Variants in ZFPM1 observed in about 807,000 individuals in gnomAD.
ZFPM1 encodes the protein zinc finger protein, FOG family member 1, also known as zinc finger protein ZFPM1.
ZFPM1 carries 28 observed loss-of-function variants against 46.3 expected under a neutral mutation model. The observed-to-expected ratio is 0.60, with a 90% CI of 0.45 to 0.83. The LOEUF is 0.83. Ranked by LOEUF, ZFPM1 falls within the 40% of genes least tolerant of loss-of-function variation. The probability of loss-of-function intolerance (pLI) is 0.00; values close to 1 mark genes in which losing one functional copy is unlikely to be tolerated. For synonymous variants in ZFPM1, 957 were observed against 675.9 expected (o/e 1.42, Z -6.45); for missense variants, 1,878 against 1,432.4 (o/e 1.31, Z -5.02).
rs1324539699 is a variant in ZFPM1, at chr16:88,536,510, C to T, written c.*1531C>T. On this transcript the variant is annotated 3_prime_UTR_variant, in exon 10 of 10. Transcript: ENST00000319555. ...CTACTTGAACTAGCTGCATTTTTTTCAGCTTTGCCCAGCAGCCCTGGTGAG... is the reference window on the plus strand; with the variant it reads ...CTACTTGAACTAGCTGCATTTTTTTTAGCTTTGCCCAGCAGCCCTGGTGAG... The T allele has an allele frequency of 6.6e-6, 1 of 152,232 alleles. No individual in the cohort carries two copies. Among genetic ancestry groups the T allele is most frequent in the Non-Finnish European group, 1.5e-5 (1 of 68,032 alleles). The allele number at this position is 152,232 out of a possible 1,614,324, so 9.4% of individuals were successfully genotyped here. A position where few individuals can be genotyped will look rare whatever the true frequency, so the allele number is the denominator to read the frequency against.
intron 1 of ZFPM1, among the ~76,000 whole-genome samples, chr16:88,470,851 A>T (rs577740665): frequency 6.7e-6 from 1 of 150,266 alleles, no homozygotes; most frequent in African/African-American, 2.5e-5. Flanking sequence ...CCGGGTGGTG[A>T]CGCTGAGTGA....
intron 3 of ZFPM1, among the ~76,000 whole-genome samples, chr16:88,492,428 G>A (rs774421135): frequency 3.3e-5 from 5 of 152,210 alleles, no homozygotes; most frequent in African/African-American, 4.8e-5. Context: ...TATCTGGGGT[G>A]GAGGGAGCAC....
chr16:88,474,327 G>A lies in ZFPM1; in HGVS notation c.41-11612G>A, dbSNP rs372271639. On this transcript the variant is annotated intron_variant, in intron 1 of 9. Transcript: ENST00000319555. ...GCAGGGGGAGGATCCAAGGGAGCCC[G>A]AAGAGGTGGCCAGAGCTGGGGGGCT... is the stretch of plus-strand genomic sequence containing the variant. 1.4e-3 allele frequency among the ~76,000 whole-genome samples: 214 copies of A among 152,298 alleles called. 1 individual carries two copies. Among genetic ancestry groups the A allele is most frequent in the African/African-American group, 4.9e-3 (204 of 41,578 alleles).
chr16:88,522,160 A>C (rs1911949728), intron 4 of ZFPM1: 1 of 152,520 alleles, frequency 6.6e-6, no homozygotes, highest in African/African-American at 2.4e-5. Flanking sequence ...GACCCAGTGG[A>C]TGAAGTGGCA....
At chr16:88,501,073 T>C (rs1243508837) in intron 3 of ZFPM1, among the ~76,000 whole-genome samples, 2 of 146,926 alleles carry the variant, frequency 1.4e-5, no homozygotes, top group Non-Finnish European at 3.0e-5. Flanking sequence ...GTAGCGGTCA[T>C]GGATGCGGGG....
rs1366015070 is a variant in ZFPM1, at chr16:88,517,510, G to GGATGGATA, written c.402+2997_402+2998insAGATGGAT. The stretch of plus-strand genomic sequence containing the variant: ...TGGATGGATGGATGGATGGATGGAT[G>GGATGGATA]GATGGATGGTTGGATAGGTGGGTGG... On this transcript the variant is annotated intron_variant, in intron 4 of 9. Coordinates refer to ENST00000319555, the MANE Select transcript of ZFPM1 (RefSeq NM_153813.3). Among the ~76,000 whole-genome samples the GGATGGATA allele has an allele frequency of 2.0e-5, 3 of 150,946 alleles. No homozygotes were observed. In the East Asian group the frequency reaches 5.8e-4, roughly 29 times the overall value.
chr16:88,534,187 C>A lies in ZFPM1; in HGVS notation c.2229C>A (p.Arg743=). 5.1e-6 allele frequency: 5 copies of A among 989,508 alleles called. No individual in the cohort carries two copies. Among genetic ancestry groups the A allele is most frequent in the Non-Finnish European group, 6.0e-6 (5 of 834,856 alleles). The allele number at this position is 989,508 out of a possible 1,614,324, so 61.3% of individuals were successfully genotyped here. A position where few individuals can be genotyped will look rare whatever the true frequency, so the allele number is the denominator to read the frequency against. The part of the protein sequence containing the change: ...SPAAPVRTRR[R]RKLYELHAAG... Reference sequence around the variant, plus strand: ...CCGCGCCTGTGCGCACGCGCAGACGCCGCAAGCTCTACGAGCTGCACGCGG... The same window carrying A: ...CCGCGCCTGTGCGCACGCGCAGACGACGCAAGCTCTACGAGCTGCACGCGG... Residue 743 remains arginine, a synonymous_variant, in exon 10 of 10, where the codon CGC becomes CGA. Coordinates refer to ENST00000319555, the MANE Select transcript of ZFPM1 (RefSeq NM_153813.3).
chr16:88,476,604 C>A (rs909638564), intron 1 of ZFPM1, among the ~76,000 whole-genome samples: 1 of 151,908 alleles, frequency 6.6e-6, no homozygotes, highest in African/African-American at 2.4e-5. Context: ...CCGAGATCCC[C>A]GGGGGCCCAT....
chr16:88,533,355 C>T lies in ZFPM1; in HGVS notation c.1397C>T (p.Ala466Val). 4 of 1,531,814 alleles carry T rather than the reference C, an allele frequency of 2.6e-6. No individual in the cohort carries two copies. The highest frequency in any genetic ancestry group is 2.5e-5 in the East Asian group (1 of 39,990). The allele number at this position is 1,531,814 out of a possible 1,614,324, so 94.9% of individuals were successfully genotyped here. A position where few individuals can be genotyped will look rare whatever the true frequency, so the allele number is the denominator to read the frequency against. Residue 466 changes from alanine (A) to valine (V), a missense_variant, in exon 10 of 10, where the codon GCG (alanine) becomes GTG (valine). Coordinates refer to ENST00000319555, the MANE Select transcript of ZFPM1 (RefSeq NM_153813.3). ...GCCCCCAGGAGCATCAAGGTGGAGG[C>T]GGTGGAGGAGCCGGAGGCGGCCCCC... ...PAAPRSIKVE[A>V]VEEPEAAPIL...
intron 1 of ZFPM1, among the ~76,000 whole-genome samples, chr16:88,470,366 T>A (rs870021): frequency 0.4 from 61,421 of 152,062 alleles, 13,301 homozygotes; most frequent in East Asian, 0.57. Context: ...CTGGGCATGG[T>A]CCAGGGACCC....
rs554045887 is a variant in ZFPM1 at position 88,504,739 on chromosome 16, G to A, written c.269-9648G>A. The stretch of plus-strand genomic sequence containing the variant: ...GTGGTGTCTGAGACCACAGTCCCCA[G>A]AGAGCACCATGGAAGGGGTTCAGAC... On this transcript the variant is annotated intron_variant, in intron 3 of 9. Transcript: ENST00000319555. Among the ~76,000 whole-genome samples the A allele has an allele frequency of 2.0e-5, 3 of 152,312 alleles. No homozygotes were observed. In the South Asian group the frequency reaches 6.2e-4, roughly 32 times the overall value.
rs185041179 is a variant in ZFPM1, at chr16:88,505,172, G to A, written c.269-9215G>A. Among the ~76,000 whole-genome samples, 506 of 152,300 alleles carry A rather than the reference G, an allele frequency of 3.3e-3. 3 individuals carry two copies. Among genetic ancestry groups the A allele is most frequent in the African/African-American group, 0.011 (452 of 41,560 alleles). On this transcript the variant is annotated intron_variant, in intron 3 of 9. Coordinates refer to ENST00000319555, the MANE Select transcript of ZFPM1 (RefSeq NM_153813.3). ...GGCCGGCCCTTCCTGCCTCTCCCTCGCCCGGTGGCTGACGCAGCTGCTCTA... is the reference window on the plus strand; with the variant it reads ...GGCCGGCCCTTCCTGCCTCTCCCTCACCCGGTGGCTGACGCAGCTGCTCTA...
intron 6 of ZFPM1, among the ~76,000 whole-genome samples, chr16:88,528,587 G>A (rs939709355): frequency 3.3e-5 from 5 of 152,166 alleles, no homozygotes; most frequent in Admixed American, 1.3e-4. Context: ...CCCTCACCTC[G>A]GCCCTCCTGG....
At position 88,536,256 on chromosome 16, in the gene ZFPM1, C is replaced by CA. The variant is rs561331884; in HGVS notation, c.*1280dup. 1.3e-5 allele frequency: 2 copies of CA among 152,208 alleles called. No homozygotes were observed. Among genetic ancestry groups the CA allele is most frequent in the Admixed American group, 1.3e-4 (2 of 15,270 alleles). The allele number at this position is 152,208 out of a possible 1,614,324, so 9.4% of individuals were successfully genotyped here. A position where few individuals can be genotyped will look rare whatever the true frequency, so the allele number is the denominator to read the frequency against. ...GCACGATCATAAGTCACTGCAGCCT[C>CA]AAACTCCTGAGCTGAAACCATCTTC... On this transcript the variant is annotated 3_prime_UTR_variant, in exon 10 of 10. Transcript: ENST00000319555.
At chr16:88,500,904 T>C (rs1469417755) in intron 3 of ZFPM1, among the ~76,000 whole-genome samples, 1 of 152,258 alleles carries the variant, frequency 6.6e-6, no homozygotes, top group Admixed American at 6.5e-5. Flanking sequence ...CTCGGTGTCC[T>C]CACCTGACCG....
rs142475772 is a variant in ZFPM1 at position 88,517,476 on chromosome 16, GTGGATGGATGGATGGA to G, written c.402+2984_402+2999del. 6.5e-3 allele frequency among the ~76,000 whole-genome samples: 849 copies of G among 130,840 alleles called. 8 individuals carry two copies. The highest frequency in any genetic ancestry group is 0.023 in the African/African-American group (792 of 33,758). The allele number at this position is 130,840 out of a possible 152,430, so 85.8% of individuals were successfully genotyped here. On this transcript the variant is annotated intron_variant, in intron 4 of 9. Transcript: ENST00000319555. ...TGTAGGTAAATGGATGGATGGCTGG[GTGGATGGATGGATGGA>G]TGGATGGATGGATGGATGGATGGAT...
chr16:88,529,306 G>A (rs1912598425), intron 6 of ZFPM1, among the ~76,000 whole-genome samples: 1 of 152,216 alleles, frequency 6.6e-6, no homozygotes, highest in Non-Finnish European at 1.5e-5. Context: ...GGGACGGTAA[G>A]ACTCAGGTTT....
At position 88,533,226 on chromosome 16, in the gene ZFPM1, C is replaced by T. The variant is rs751724679; in HGVS notation, c.1268C>T (p.Thr423Ile). 19 of 1,563,090 alleles carry T rather than the reference C, an allele frequency of 1.2e-5. No individual in the cohort carries two copies. The highest frequency in any genetic ancestry group is 1.9e-5 in the Admixed American group (1 of 53,758). The change falls in exon 10 of 10, where the codon ACC (threonine) becomes ATC (isoleucine). Residue 423 changes from threonine to isoleucine, a missense_variant. By Grantham distance (89) the Thr-to-Ile change is moderately conservative. Transcript: ENST00000319555. ...LASADLGLAP[T>I]PSPGLDRKAL... ...TCCGCGGACCTGGGCCTGGCGCCCA[C>T]CCCATCGCCAGGACTGGACAGAAAG... is the stretch of plus-strand genomic sequence containing the variant.
At chr16:88,454,360 G>A (rs79489829) in intron 1 of ZFPM1, among the ~76,000 whole-genome samples, 1,540 of 152,314 alleles carry the variant, frequency 0.01, 24 homozygotes, top group African/African-American at 0.035. Flanking sequence ...CTGAACCCAG[G>A]CCCCGCCAGC....
Sources: gnomAD v4.1 joint callset for allele counts (sites outside exome capture counted in the v4.1 genomes callset) on GRCh38, gnomAD v4.1.1 for gene constraint, MANE v1.5 for transcripts, NCBI Gene and HGNC (gene_info 2026-07-23, HGNC 2026-07-21) for gene names.